The following PARD3B variants were observed in gnomAD, a reference collection of about 807,000 sequenced individuals.
PARD3B encodes partitioning defective 3 homolog B.
A neutral mutation model predicts 130.2 loss-of-function variants in PARD3B; 103 were observed. The observed-to-expected ratio is 0.79, with a 90% confidence interval of 0.67 to 0.93. The LOEUF (loss-of-function observed/expected upper bound fraction) is 0.93, where lower values mean the gene tolerates loss of function less well. Among genes scored for constraint, PARD3B ranks in the 40% least tolerant of loss-of-function variants. PARD3B has a pLI of 0.00. For synonymous variants in PARD3B, 583 were observed against 553.2 expected (o/e 1.05, Z -0.76); for missense variants, 1,609 against 1,499.2 (o/e 1.07, Z -1.21).
chr2:205,234,127 A>G (rs2038961293), intron 15 of PARD3B, among the ~76,000 whole-genome samples: 1 of 152,196 alleles, frequency 6.6e-6, no homozygotes. Flanking sequence ...TATATGTTAG[A>G]CCATAAAAGG....
chr2:204,965,392 T>C (rs759764508), intron 3 of PARD3B, 69 bp downstream of exon 3: 5 of 1,467,106 alleles, frequency 3.4e-6, no homozygotes, highest in Non-Finnish European at 4.7e-6. Context: ...TTAGGCATTG[T>C]TTCTTCTTTG....
At chr2:205,107,493 A>AG (rs1247066351) in intron 5 of PARD3B, among the ~76,000 whole-genome samples, 1 of 152,246 alleles carries the variant, frequency 6.6e-6, no homozygotes, top group African/African-American at 2.4e-5. Flanking sequence ...GAAAGGCTGA[A>AG]GAAACATTAA....
At chr2:204,645,837 A>T (rs2035253538) in intron 1 of PARD3B, among the ~76,000 whole-genome samples, 1 of 152,112 alleles carries the variant, frequency 6.6e-6, no homozygotes, top group South Asian at 2.1e-4. Flanking sequence ...TGCTTTTTTG[A>T]CATGGAAGTA....
rs2040624859 is a variant in PARD3B at position 205,269,205 on chromosome 2, CT to C, written c.2185+23386del. 6.6e-6 allele frequency among the ~76,000 whole-genome samples: 1 copy of C among 152,082 alleles called. No individual in the cohort carries two copies. The highest frequency in any genetic ancestry group is 1.5e-5 in the Non-Finnish European group (1 of 67,988). ...AAATTCCTACCTAAACAGAAACTAA[CT>C]TTATTGTAATTTTCTAATTCCTCAA... On this transcript the variant is annotated intron_variant, in intron 16 of 22. Coordinates refer to ENST00000406610, the MANE Select transcript of PARD3B (RefSeq NM_001302769.2). This position sits in a 1 kb window ranked among gnomAD's most constrained non-coding sequence, Gnocchi z 4.7.
intron 15 of PARD3B, among the ~76,000 whole-genome samples, chr2:205,245,418 G>T (rs2039529060): frequency 6.6e-6 from 1 of 152,070 alleles, no homozygotes; most frequent in African/African-American, 2.4e-5. Flanking sequence ...CACACGTATT[G>T]CTGTTATGCT....
intron 1 of PARD3B, among the ~76,000 whole-genome samples, chr2:204,629,534 C>T (rs191173894): frequency 1.4e-4 from 22 of 152,292 alleles, no homozygotes; most frequent in Non-Finnish European, 2.6e-4. Context: ...TTATTAAGTT[C>T]TCTACCTCCT....
chr2:205,336,976 TAA>T (rs34061573), intron 18 of PARD3B, among the ~76,000 whole-genome samples: 82,867 of 147,232 alleles, frequency 0.56, 26,331 homozygotes, highest in South Asian at 0.75. Context: ...TTATTTCTTG[TAA>T]AAAAAAAAAA....
chr2:205,450,668 G>A (rs895337341), intron 20 of PARD3B, among the ~76,000 whole-genome samples: 1 of 151,650 alleles, frequency 6.6e-6, no homozygotes, highest in Admixed American at 6.6e-5. Flanking sequence ...CAGAGACAGG[G>A]TTTCATTATG....
intron 2 of PARD3B, among the ~76,000 whole-genome samples, chr2:204,831,652 A>G (rs57445021): frequency 0.017 from 2,603 of 152,210 alleles, 68 homozygotes; most frequent in African/African-American, 0.057. Flanking sequence ...ATTTTTGTAT[A>G]TATTTGGCAT....
chr2:205,496,721 G>A (rs573429098), intron 20 of PARD3B, among the ~76,000 whole-genome samples: 20 of 152,068 alleles, frequency 1.3e-4, no homozygotes, highest in Non-Finnish European at 2.6e-4. Flanking sequence ...ATAGGCATAT[G>A]GAAGAATAGT....
chr2:204,551,813 A>T (rs1010242260), intron 1 of PARD3B, among the ~76,000 whole-genome samples: 10 of 152,184 alleles, frequency 6.6e-5, no homozygotes, highest in African/African-American at 1.9e-4. Flanking sequence ...ATGTTGTCAG[A>T]TTTTTGTGAG....
chr2:205,362,510 A>C (rs547505192), intron 18 of PARD3B, among the ~76,000 whole-genome samples: 1 of 152,350 alleles, frequency 6.6e-6, no homozygotes, highest in Admixed American at 6.5e-5. Context: ...CTTGAGAGGC[A>C]TAAATGAAAA....
At chr2:204,921,430 T>C (rs1453678603) in intron 2 of PARD3B, among the ~76,000 whole-genome samples, 1 of 152,146 alleles carries the variant, frequency 6.6e-6, no homozygotes, top group Non-Finnish European at 1.5e-5. Context: ...TAGACAAATA[T>C]AATCAAAGTA....
chr2:205,528,743 G>T (rs996885995), intron 21 of PARD3B, among the ~76,000 whole-genome samples: 1 of 152,108 alleles, frequency 6.6e-6, no homozygotes. Context: ...GCCCACCTCA[G>T]CCTCCCAAAG....
chr2:204,568,766 C>T (rs141842540), intron 1 of PARD3B, among the ~76,000 whole-genome samples: 1 of 151,888 alleles, frequency 6.6e-6, no homozygotes, highest in Admixed American at 6.6e-5. Context: ...ACCAACCTGG[C>T]CAATATGGTG....
intron 2 of PARD3B, among the ~76,000 whole-genome samples, chr2:204,693,761 A>G (rs561375311): frequency 1.2e-4 from 19 of 152,166 alleles, no homozygotes; most frequent in African/African-American, 3.9e-4. Context: ...ATTATGTATC[A>G]TGGACTTTCT....
chr2:204,874,917 C>G (rs79953168), intron 2 of PARD3B, among the ~76,000 whole-genome samples: 2 of 152,078 alleles, frequency 1.3e-5, no homozygotes, highest in Admixed American at 1.3e-4. Flanking sequence ...TGGTTTGCTC[C>G]TTTTTTATTG....
intron 1 of PARD3B, among the ~76,000 whole-genome samples, chr2:204,604,783 T>A (rs1317652667): frequency 6.6e-6 from 1 of 152,194 alleles, no homozygotes; most frequent in East Asian, 1.9e-4. Context: ...TAGCAAACTA[T>A]CTTAAAATGT....
At chr2:205,254,667 T>TA (rs759464999) in intron 16 of PARD3B, among the ~76,000 whole-genome samples, 38 of 146,494 alleles carry the variant, frequency 2.6e-4, no homozygotes, top group South Asian at 6.3e-4. Flanking sequence ...TTATTTTATT[T>TA]TATTTTTTTT....
Sources: allele counts gnomAD v4.1 joint callset (sites outside exome capture counted in the v4.1 genomes callset), GRCh38; gene constraint gnomAD v4.1.1; non-coding constraint Gnocchi (gnomAD v3.1); transcripts MANE v1.5; gene names NCBI Gene and HGNC (gene_info 2026-07-23, HGNC 2026-07-21).